The following STXBP5L variants were observed in gnomAD, a reference collection of about 807,000 sequenced individuals.
STXBP5L encodes the protein syntaxin binding protein 5L.
In STXBP5L, 65 loss-of-function variants were observed where a neutral mutation model predicts 144.5. The observed-to-expected ratio is 0.45, with a 90% CI of 0.37 to 0.55. The LOEUF (loss-of-function observed/expected upper bound fraction) is 0.55. Ranked by LOEUF, STXBP5L falls within the 20% of genes least tolerant of loss-of-function variation. The probability of loss-of-function intolerance (pLI) is 0.00; values close to 1 mark genes in which losing one functional copy is unlikely to be tolerated. For synonymous variants in STXBP5L, 505 were observed against 469.6 expected (o/e 1.08, Z -0.97); for missense variants, 1,298 against 1,405.5 (o/e 0.92, Z 1.22).
At chr3:121,053,287 A>T (rs1409869968) in intron 5 of STXBP5L, among the ~76,000 whole-genome samples, 1 of 152,220 alleles carries the variant, frequency 6.6e-6, no homozygotes, top group Admixed American at 6.5e-5. Context: ...TTGCCAAGTC[A>T]ATCCTAAGCC....
chr3:121,053,514 G>A (rs1948196252), intron 5 of STXBP5L, among the ~76,000 whole-genome samples: 1 of 152,160 alleles, frequency 6.6e-6, no homozygotes, highest in Non-Finnish European at 1.5e-5. Flanking sequence ...TTTAATAAAT[G>A]GTGCTGGGAA....
chr3:120,914,437 A>T (rs185378422), intron 2 of STXBP5L, among the ~76,000 whole-genome samples: 2 of 152,220 alleles, frequency 1.3e-5, no homozygotes, highest in East Asian at 3.9e-4. Flanking sequence ...AATGATGCTC[A>T]TATCTGACAT....
chr3:120,944,322 G>T (rs916018488), intron 2 of STXBP5L, among the ~76,000 whole-genome samples: 1 of 151,248 alleles, frequency 6.6e-6, no homozygotes, highest in Admixed American at 6.6e-5. Flanking sequence ...GAGAGGGAAG[G>T]AGACATATGA....
At chr3:120,982,207 G>T (rs574688474) in intron 3 of STXBP5L, among the ~76,000 whole-genome samples, 2 of 152,260 alleles carry the variant, frequency 1.3e-5, no homozygotes, top group East Asian at 1.9e-4. Context: ...CTTGATCTTT[G>T]TTTACTGGGA....
intron 22 of STXBP5L, among the ~76,000 whole-genome samples, chr3:121,403,557 T>C (rs1294443251): frequency 6.6e-6 from 1 of 152,174 alleles, no homozygotes; most frequent in Non-Finnish European, 1.5e-5. Context: ...CAATGGGTTC[T>C]AGGCTGTATT....
chr3:121,369,204 T>C (rs141668828), intron 20 of STXBP5L, among the ~76,000 whole-genome samples: 305 of 152,288 alleles, frequency 2.0e-3, no homozygotes, highest in Admixed American at 4.8e-3. Flanking sequence ...CAATTTACCA[T>C]CTAAGCCTTC....
At chr3:121,008,123 G>T (rs1160372714) in intron 3 of STXBP5L, among the ~76,000 whole-genome samples, 1 of 151,956 alleles carries the variant, frequency 6.6e-6, no homozygotes, top group Non-Finnish European at 1.5e-5. Context: ...CTGGGTGTCA[G>T]AGTACTTGTT....
chr3:121,274,900 T>C (rs1290895145), intron 18 of STXBP5L, among the ~76,000 whole-genome samples: 1 of 152,184 alleles, frequency 6.6e-6, no homozygotes, highest in South Asian at 2.1e-4. Flanking sequence ...TGCAGAGCAG[T>C]AGTCTGAAGC....
chr3:121,387,686 G>C (rs140753086), intron 22 of STXBP5L, among the ~76,000 whole-genome samples: 136 of 152,196 alleles, frequency 8.9e-4, no homozygotes, highest in Middle Eastern at 3.4e-3. Context: ...TCTTGTTTTT[G>C]TCAGGTTTGT....
intron 2 of STXBP5L, among the ~76,000 whole-genome samples, chr3:120,924,448 T>C (rs1427530571): frequency 6.6e-6 from 1 of 152,180 alleles, no homozygotes; most frequent in Non-Finnish European, 1.5e-5. Flanking sequence ...ATCAGTAATA[T>C]TTAAATATAG....
At chr3:121,005,902 C>T (rs551672080) in intron 3 of STXBP5L, among the ~76,000 whole-genome samples, 1 of 152,266 alleles carries the variant, frequency 6.6e-6, no homozygotes, top group South Asian at 2.1e-4. Context: ...TTTGATTGCA[C>T]TGTGGTCTGA....
chr3:121,051,309 A>C (rs1178205083), intron 5 of STXBP5L, among the ~76,000 whole-genome samples: 6 of 152,168 alleles, frequency 3.9e-5, no homozygotes, highest in Admixed American at 3.3e-4. Flanking sequence ...CACCACACCT[A>C]TTCCAAAATT....
chr3:121,349,098 G>T (rs1190622210), intron 20 of STXBP5L, among the ~76,000 whole-genome samples: 4 of 152,076 alleles, frequency 2.6e-5, no homozygotes, highest in Non-Finnish European at 5.9e-5. Flanking sequence ...GGCATTTAGT[G>T]CTATACATTT....
intron 20 of STXBP5L, among the ~76,000 whole-genome samples, chr3:121,351,717 GC>G (rs1480411496): frequency 6.6e-6 from 1 of 152,006 alleles, no homozygotes; most frequent in Non-Finnish European, 1.5e-5. Context: ...GTCTATTTTG[GC>G]TTTTGTTGCC....
intron 9 of STXBP5L, among the ~76,000 whole-genome samples, chr3:121,159,880 C>T (rs2046257814): frequency 6.6e-6 from 1 of 152,088 alleles, no homozygotes; most frequent in Non-Finnish European, 1.5e-5. Flanking sequence ...GATCCGCCCG[C>T]CTCAGCCTCC....
In STXBP5L at chr3:121,240,483, C is replaced by G. The variant is rs764116141; in HGVS notation, c.1376C>G (p.Thr459Arg). ...SGGAWNLGAQ[T>R]YPEIIITGHA... Reference sequence around the variant, plus strand: ...GGAGCTTGGAACCTTGGAGCACAAACATATCCAGAAATTATTATTACTGGG... The same window carrying G: ...GGAGCTTGGAACCTTGGAGCACAAAGATATCCAGAAATTATTATTACTGGG... The change falls in exon 14 of 27, where the codon ACA becomes AGA. Residue 459 changes from threonine (T) to arginine (R), a missense_variant. By Grantham distance (71) the Thr-to-Arg change is moderately conservative (BLOSUM62 -1). Transcript: ENST00000471454. 6.2e-7 allele frequency: 1 copy of G among 1,613,510 alleles called. No individual in the cohort carries two copies. Among genetic ancestry groups the G allele is most frequent in the Non-Finnish European group, 8.5e-7 (1 of 1,179,708 alleles).
chr3:121,090,276 G>C (rs953322999), intron 5 of STXBP5L, among the ~76,000 whole-genome samples: 4 of 152,056 alleles, frequency 2.6e-5, no homozygotes, highest in African/African-American at 9.7e-5. Flanking sequence ...AAGTTCAGGT[G>C]CTCCATTTAA....
intron 3 of STXBP5L, among the ~76,000 whole-genome samples, chr3:121,034,232 AT>A (rs1576726109): frequency 6.6e-6 from 1 of 152,218 alleles, no homozygotes; most frequent in African/African-American, 2.4e-5. Context: ...TAGTGTAACC[AT>A]TACCCAAATA....
chr3:121,144,969 T>G (rs1188281042), intron 7 of STXBP5L, among the ~76,000 whole-genome samples: 2 of 151,882 alleles, frequency 1.3e-5, no homozygotes, highest in African/African-American at 4.8e-5. Flanking sequence ...ATATATAGAA[T>G]CAAAGAGTGT....
Sources: gnomAD v4.1 joint callset for allele counts (sites outside exome capture counted in the v4.1 genomes callset) on GRCh38, gnomAD v4.1.1 for gene constraint, MANE v1.5 for transcripts, NCBI Gene and HGNC (gene_info 2026-07-23, HGNC 2026-07-21) for gene names.